MYO16: variants seen among roughly 807,000 people sequenced by gnomAD.
MYO16 encodes unconventional myosin-XVI.
A neutral mutation model predicts 205.3 loss-of-function variants in MYO16; 94 were observed. That is an observed-to-expected ratio of 0.46 (90% CI 0.39 to 0.54). MYO16 has a LOEUF of 0.54. MYO16 is among the 20% of genes least tolerant of loss of function. The pLI is 0.00. For missense variants in MYO16, 2,315 were observed against 2,387.5 expected (o/e 0.97, Z 0.63); for synonymous variants, 988 against 954.0 (o/e 1.04, Z -0.66).
chr13:108,988,701 C>G (rs1884722065), intron 20 of MYO16, among the ~76,000 whole-genome samples: 1 of 152,146 alleles, frequency 6.6e-6, no homozygotes, highest in Non-Finnish European at 1.5e-5. Flanking sequence ...CATGGTGTCA[C>G]TGATCTCTGC....
chr13:109,046,466 A>C (rs1267117777), intron 23 of MYO16, among the ~76,000 whole-genome samples: 2 of 152,220 alleles, frequency 1.3e-5, no homozygotes, highest in Admixed American at 6.5e-5. Flanking sequence ...TGTGTTCTTA[A>C]TTGTAAAGAC....
the MYO16 span, among the ~76,000 whole-genome samples, chr13:108,526,225 T>A: frequency 1.3e-5 from 2 of 152,148 alleles, no homozygotes; most frequent in Non-Finnish European, 2.9e-5. Context: ...ACGCATGCAT[T>A]TGCTTCCAAA....
chr13:108,592,408 G>A (rs1261719968), upstream of MYO16, among the ~76,000 whole-genome samples: 1 of 127,306 alleles, frequency 7.9e-6, no homozygotes, highest in East Asian at 2.5e-4. Context: ...TTATGAGGAT[G>A]TGTGTGGTGT....
upstream of MYO16, among the ~76,000 whole-genome samples, chr13:108,593,712 A>T (rs974292972): frequency 5.9e-5 from 9 of 152,150 alleles, no homozygotes; most frequent in African/African-American, 2.2e-4. Context: ...TCACCCATGA[A>T]TCCACTAAAC....
intron 9 of MYO16, among the ~76,000 whole-genome samples, chr13:108,835,088 A>T (rs1566359304): frequency 2.3e-5 from 2 of 88,502 alleles, no homozygotes; most frequent in African/African-American, 7.0e-5. Flanking sequence ...ATTACTTAGA[A>T]TTTTTTTTTT....
chr13:108,708,618 C>T (rs1042779332), intron 2 of MYO16, among the ~76,000 whole-genome samples: 6 of 152,276 alleles, frequency 3.9e-5, no homozygotes, highest in African/African-American at 7.2e-5. Flanking sequence ...GAATTGAGAA[C>T]GCAGGTATGC....
the MYO16 span, among the ~76,000 whole-genome samples, chr13:108,584,404 C>T: frequency 6.6e-6 from 1 of 152,188 alleles, no homozygotes; most frequent in Non-Finnish European, 1.5e-5. Context: ...TGTTTTGATA[C>T]ATGCATGCAA....
chr13:109,071,712 CT>C (rs999795492), intron 27 of MYO16, among the ~76,000 whole-genome samples: 4 of 151,780 alleles, frequency 2.6e-5, no homozygotes, highest in African/African-American at 7.3e-5. Flanking sequence ...TATACCTATA[CT>C]TTTTTTTAAT....
intron 27 of MYO16, among the ~76,000 whole-genome samples, chr13:109,056,883 A>C (rs1641906111): frequency 6.6e-6 from 1 of 152,296 alleles, no homozygotes; most frequent in East Asian, 1.9e-4. Context: ...AACTAATATA[A>C]GTATTGCAAG....
At chr13:108,877,658 T>C (rs1180147905) in intron 12 of MYO16, among the ~76,000 whole-genome samples, 2 of 152,228 alleles carry the variant, frequency 1.3e-5, no homozygotes, top group Non-Finnish European at 2.9e-5. Context: ...TTTTCCATCT[T>C]TTTAGTTTAT....
the MYO16 span, among the ~76,000 whole-genome samples, chr13:108,533,452 T>C: frequency 2.7e-3 from 406 of 152,344 alleles, 3 homozygotes; most frequent in African/African-American, 9.0e-3. Context: ...ACCTAAAGAC[T>C]GAGTTCAGCC....
chr13:108,902,805 C>T (rs1372303056), intron 15 of MYO16, among the ~76,000 whole-genome samples: 1 of 152,192 alleles, frequency 6.6e-6, no homozygotes, highest in Non-Finnish European at 1.5e-5. Context: ...AACTTGAGTA[C>T]AGTAGTTTCA....
chr13:108,780,263 G>A (rs897398662), intron 4 of MYO16, among the ~76,000 whole-genome samples: 1 of 151,942 alleles, frequency 6.6e-6, no homozygotes, highest in Admixed American at 6.6e-5. Flanking sequence ...TGAAAGCAAG[G>A]CATTTTTTTC....
At chr13:108,668,125 A>T (rs116478708) in intron 2 of MYO16, among the ~76,000 whole-genome samples, 1,640 of 152,348 alleles carry the variant, frequency 0.011, 33 homozygotes, top group African/African-American at 0.038. Context: ...GGTTAGGGTT[A>T]AAAGAAAACT....
At chr13:109,035,599 G>A (rs1426879961) in intron 23 of MYO16, among the ~76,000 whole-genome samples, 3 of 152,136 alleles carry the variant, frequency 2.0e-5, no homozygotes, top group East Asian at 1.9e-4. Flanking sequence ...CAGGAGAATC[G>A]CCTGAACCTG....
chr13:109,035,891 AT>A (rs1164585892), intron 23 of MYO16, among the ~76,000 whole-genome samples: 2 of 152,102 alleles, frequency 1.3e-5, no homozygotes, highest in Non-Finnish European at 2.9e-5. Context: ...AGCTTCCTGG[AT>A]TTCTCTCCAA....
At chr13:108,993,158 A>G (rs1029533027) in intron 21 of MYO16, among the ~76,000 whole-genome samples, 3 of 152,148 alleles carry the variant, frequency 2.0e-5, no homozygotes, top group Non-Finnish European at 4.4e-5. Flanking sequence ...AGCATTTGGG[A>G]GGAATTTTCA....
At chr13:108,909,261 A>T (rs967775945) in intron 15 of MYO16, among the ~76,000 whole-genome samples, 1 of 149,654 alleles carries the variant, frequency 6.7e-6, no homozygotes, top group Non-Finnish European at 1.5e-5. Flanking sequence ...CCTTGTATTT[A>T]TGCATTGGGT....
chr13:108,892,765 A>G (rs1192279945), intron 14 of MYO16, among the ~76,000 whole-genome samples: 1 of 152,226 alleles, frequency 6.6e-6, no homozygotes, highest in African/African-American at 2.4e-5. Context: ...ATATACAATC[A>G]TCTATTAAAA....
Sources: allele counts gnomAD v4.1 joint callset (sites outside exome capture counted in the v4.1 genomes callset), GRCh38; gene constraint gnomAD v4.1.1; transcripts MANE v1.5; gene names NCBI Gene and HGNC (gene_info 2026-07-23, HGNC 2026-07-21).